The following STARD9 variants were observed in gnomAD, a reference collection of about 807,000 sequenced individuals.
STARD9 encodes the protein StAR related lipid transfer domain containing 9, also known as stAR-related lipid transfer protein 9.
A neutral mutation model predicts 399.8 loss-of-function variants in STARD9; 346 were observed. The observed-to-expected ratio is 0.87, with a 90% confidence interval of 0.79 to 0.95. The LOEUF (loss-of-function observed/expected upper bound fraction) is 0.95. Among genes scored for constraint, STARD9 ranks in the 40% least tolerant of loss-of-function variants. The pLI is 0.00. For missense variants in STARD9, 5,832 were observed against 5,667.5 expected (o/e 1.03, Z -0.93); for synonymous variants, 2,203 against 2,143.5 (o/e 1.03, Z -0.77).
intron 26 of STARD9, among the ~76,000 whole-genome samples, chr15:42,708,832 G>A (rs2061146358): frequency 2.0e-5 from 3 of 151,904 alleles, no homozygotes; most frequent in Non-Finnish European, 2.9e-5. Context: ...GAAGTTATGC[G>A]TTTTTGGCAA....
intron 3 of STARD9, among the ~76,000 whole-genome samples, chr15:42,610,570 CAG>C (rs1205807334): frequency 2.6e-5 from 4 of 152,048 alleles, no homozygotes; most frequent in African/African-American, 7.2e-5. Flanking sequence ...TTTTTTAAGA[CAG>C]AGTCTCACTC....
Position 42,685,519 on chromosome 15 carries a change from A to ACTCTGAACAAGCCGACTCT in STARD9, c.3945_3963dup (p.Gln1322Ter). On this transcript the variant is annotated frameshift_variant, in exon 23 of 33. Coordinates refer to ENST00000290607, the MANE Select transcript of STARD9 (RefSeq NM_020759.3). LOFTEE classifies it high-confidence loss of function. ...GCTGAATCACAGGTAGAGCCAAGCTACTCTGAACAAGCCGACTCTCTCCAA... is the reference window on the plus strand; with the variant it reads ...GCTGAATCACAGGTAGAGCCAAGCTACTCTGAACAAGCCGACTCTCTCTGAACAAGCCGACTCTCTCCAA... 6.5e-7 allele frequency: 1 copy of ACTCTGAACAAGCCGACTCT among 1,537,240 alleles called. No homozygotes were observed. The highest frequency in any genetic ancestry group is 8.7e-7 in the Non-Finnish European group (1 of 1,146,914).
chr15:42,639,108 G>A (rs1028923391), intron 7 of STARD9, among the ~76,000 whole-genome samples: 1 of 152,236 alleles, frequency 6.6e-6, no homozygotes, highest in Non-Finnish European at 1.5e-5. Context: ...ACCTGTATGA[G>A]GTGATCAGGA....
At chr15:42,588,809 T>G in intron 3 of STARD9, among the ~76,000 whole-genome samples, 1 of 48,020 alleles carries the variant, frequency 2.1e-5, no homozygotes, top group Non-Finnish European at 4.8e-5. Flanking sequence ...TTTTTTTTTT[T>G]TTTTTTGGAG....
rs550026054 is a variant in STARD9 at position 42,720,234 on chromosome 15, C to G, written c.*660C>G. On this transcript the variant is annotated 3_prime_UTR_variant, in exon 33 of 33. Coordinates refer to ENST00000290607, the MANE Select transcript of STARD9 (RefSeq NM_020759.3). ...GAGGCAGGGGTGTTGAGCGATGATG[C>G]TCTGATATGGAGCTGTCACTCTAGA... The G allele has an allele frequency of 6.6e-6, 1 of 152,266 alleles. No homozygotes were observed. The highest frequency in any genetic ancestry group is 1.5e-5 in the Non-Finnish European group (1 of 68,090). 9.4% of individuals were successfully genotyped at this position (152,266 alleles called of 1,614,324 possible).
At chr15:42,662,956 G>A (rs1218495067) in intron 11 of STARD9, 65 bp downstream of exon 11, 15 of 1,206,232 alleles carry the variant, frequency 1.2e-5, no homozygotes, top group Non-Finnish European at 1.8e-5. Context: ...TTTTCATTTT[G>A]TCGCAATAGG....
At chr15:42,590,975 CTG>C (rs2141696195) in intron 3 of STARD9, among the ~76,000 whole-genome samples, 1 of 152,322 alleles carries the variant, frequency 6.6e-6, no homozygotes, top group African/African-American at 2.4e-5. Context: ...GATGCACAAA[CTG>C]TGTCAGTGCT....
chr15:42,718,723 G>A, intron 31 of STARD9, 29 bp from the exon 32 acceptor site: 1 of 1,536,040 alleles, frequency 6.5e-7, no homozygotes, highest in Non-Finnish European at 8.7e-7. Context: ...CACTACACAG[G>A]CAGGACTCCC....
At chr15:42,615,759 G>A (rs1461700811) in intron 3 of STARD9, among the ~76,000 whole-genome samples, 1 of 151,756 alleles carries the variant, frequency 6.6e-6, no homozygotes, top group Non-Finnish European at 1.5e-5. Context: ...CAGCATGAAT[G>A]CTGTCTCAAT....
chr15:42,613,140 C>A (rs571773826), intron 3 of STARD9, among the ~76,000 whole-genome samples: 6 of 152,098 alleles, frequency 3.9e-5, no homozygotes, highest in African/African-American at 1.2e-4. Context: ...TTATGTATAT[C>A]TGTCATCTGT....
At chr15:42,642,347 T>C (rs12911585) in intron 7 of STARD9, among the ~76,000 whole-genome samples, 19,360 of 152,248 alleles carry the variant, frequency 0.13, 1,738 homozygotes, top group South Asian at 0.23. Context: ...TATTTATTAG[T>C]CGAGAGATTA....
intron 9 of STARD9, among the ~76,000 whole-genome samples, chr15:42,660,203 C>T (rs569312298): frequency 6.6e-6 from 1 of 152,270 alleles, no homozygotes; most frequent in African/African-American, 2.4e-5. Flanking sequence ...AGAATGACTG[C>T]AAAGACTTGA....
chr15:42,714,129 C>G (rs985211027), intron 26 of STARD9, among the ~76,000 whole-genome samples: 5 of 143,218 alleles, frequency 3.5e-5, no homozygotes, highest in East Asian at 4.2e-4. Context: ...GTGGTGCGAT[C>G]TCAGCTCACT....
intron 2 of STARD9, 56 bp from the exon 3 acceptor site, chr15:42,585,465 T>G: frequency 1.6e-6 from 2 of 1,237,122 alleles, no homozygotes; most frequent in Non-Finnish European, 2.3e-6. Flanking sequence ...CAAGTGCCAC[T>G]GGCCAGATTC....
At chr15:42,633,218 T>C (rs1270269762) in intron 3 of STARD9, among the ~76,000 whole-genome samples, 1 of 152,166 alleles carries the variant, frequency 6.6e-6, no homozygotes, top group African/African-American at 2.4e-5. Context: ...GTGTATTACT[T>C]TGTTTAATCT....
intron 3 of STARD9, among the ~76,000 whole-genome samples, chr15:42,618,002 C>T (rs1012799113): frequency 1.3e-5 from 2 of 152,346 alleles, no homozygotes; most frequent in South Asian, 2.1e-4. Context: ...TCAAGTGATC[C>T]TCCTGCCTGG....
chr15:42,682,434 A>G lies in STARD9; in HGVS notation c.2396A>G (p.Asp799Gly), dbSNP rs769535971. The G allele has an allele frequency of 3.9e-6, 6 of 1,537,060 alleles. No homozygotes were observed. Among genetic ancestry groups the G allele is most frequent in the Non-Finnish European group, 3.5e-6 (4 of 1,146,878 alleles). ...EKLTTLCWLQ[D>G]DSTQEPPYQV... ...CTCACGACATTGTGCTGGCTCCAGGATGACAGCACCCAGGAGCCCCCATAC... is the reference window on the plus strand; with the variant it reads ...CTCACGACATTGTGCTGGCTCCAGGGTGACAGCACCCAGGAGCCCCCATAC... Residue 799 changes from aspartate to glycine, a missense_variant, in exon 22 of 33, where the codon GAT becomes GGT. Around this residue, in one of 2 missense-constraint regions of STARD9, gnomAD observed 5,828 missense variants for 5,651.1 expected, o/e 1.03. Transcript: ENST00000290607.
At position 42,692,443 on chromosome 15, in the gene STARD9, A is replaced by G. The variant is rs545659148; in HGVS notation, c.10865A>G (p.Tyr3622Cys). 7.2e-6 allele frequency: 11 copies of G among 1,537,164 alleles called. No individual in the cohort carries two copies. In the South Asian group the frequency reaches 1.1e-4, roughly 15 times the overall value. The change falls in exon 23 of 33, where the codon TAT (tyrosine) becomes TGT (cysteine). Residue 3622 changes from tyrosine to cysteine, a missense_variant. Tyr to Cys is a radical substitution (Grantham distance 194). Transcript: ENST00000290607. ...CCAGTGGATGAGATTATGCTGCTGTATCCATCAGAGGCAGGCTGCCCTGTG... is the reference window on the plus strand; with the variant it reads ...CCAGTGGATGAGATTATGCTGCTGTGTCCATCAGAGGCAGGCTGCCCTGTG... The part of the protein sequence containing the change: ...AGPVDEIMLL[Y>C]PSEAGCPVGQ...
Position 42,718,152 on chromosome 15 carries a change from C to G in STARD9, c.13735C>G (p.Gln4579Glu). The G allele has an allele frequency of 6.5e-7, 1 of 1,537,058 alleles. No homozygotes were observed. Among genetic ancestry groups the G allele is most frequent in the Non-Finnish European group, 8.7e-7 (1 of 1,146,890 alleles). Residue 4579 changes from glutamine to glutamate, a missense_variant, in exon 30 of 33, where the codon CAG becomes GAG. Transcript: ENST00000290607. ...YKPIQTARLH[Q>E]RVTNSISLVY... The stretch of plus-strand genomic sequence containing the variant: ...GCCCATCCAGACAGCAAGGCTGCAT[C>G]AGCGAGTGACCAACAGCATCAGCCT...
Sources: allele counts gnomAD v4.1 joint callset (sites outside exome capture counted in the v4.1 genomes callset), GRCh38; gene constraint gnomAD v4.1.1; regional missense constraint gnomAD v4.1.1; transcripts MANE v1.5; gene names NCBI Gene and HGNC (gene_info 2026-07-23, HGNC 2026-07-21).